CACNA2D3: variants seen among roughly 807,000 people sequenced by gnomAD.
CACNA2D3 encodes the protein voltage-dependent calcium channel subunit alpha-2/delta-3.
In CACNA2D3, 60 loss-of-function variants were observed where a neutral mutation model predicts 160.6. That is an observed-to-expected ratio of 0.37 (90% CI 0.30 to 0.46). The LOEUF (loss-of-function observed/expected upper bound fraction) is 0.46. CACNA2D3 is among the 20% of genes least tolerant of loss of function. The pLI is 1.00. For synonymous variants in CACNA2D3, 558 were observed against 492.9 expected (o/e 1.13, Z -1.75); for missense variants, 1,205 against 1,365.0 (o/e 0.88, Z 1.85).
intron 4 of CACNA2D3, among the ~76,000 whole-genome samples, chr3:54,456,809 C>T (rs979394907): frequency 2.0e-5 from 3 of 151,832 alleles, no homozygotes; most frequent in African/African-American, 7.2e-5. Context: ...TTTTCTATTT[C>T]TTCTTGGCAA....
At chr3:54,642,034 G>C (rs1215323059) in intron 10 of CACNA2D3, 94 bp from the exon 11 acceptor site, 2 of 692,128 alleles carry the variant, frequency 2.9e-6, no homozygotes, top group Admixed American at 6.4e-5. Context: ...ATTTTAAAAG[G>C]CTTCCTTAGT....
chr3:54,359,202 TC>T (rs774760662), intron 3 of CACNA2D3, among the ~76,000 whole-genome samples: 2 of 152,132 alleles, frequency 1.3e-5, no homozygotes, highest in Non-Finnish European at 2.9e-5. Context: ...AAGTAACACT[TC>T]CCCTAGGATC....
chr3:54,459,978 A>C (rs938456783), intron 4 of CACNA2D3, among the ~76,000 whole-genome samples: 7 of 152,170 alleles, frequency 4.6e-5, no homozygotes, highest in African/African-American at 1.2e-4. Flanking sequence ...ATCCAGTTTC[A>C]GCTTTCTCCA....
At chr3:54,638,782 A>G (rs1699437106) in intron 10 of CACNA2D3, 1 of 152,000 alleles carries the variant, frequency 6.6e-6, no homozygotes, top group South Asian at 2.1e-4. Context: ...GGAAAAATTG[A>G]AAGTGCCATT....
At chr3:55,007,164 T>C (rs570542759) in intron 32 of CACNA2D3, among the ~76,000 whole-genome samples, 1 of 152,308 alleles carries the variant, frequency 6.6e-6, no homozygotes, top group South Asian at 2.1e-4. Flanking sequence ...ATTAAAATAT[T>C]CTGAAATAAA....
chr3:54,590,549 T>C (rs1702838674), intron 9 of CACNA2D3, among the ~76,000 whole-genome samples: 1 of 152,080 alleles, frequency 6.6e-6, no homozygotes, highest in Non-Finnish European at 1.5e-5. Context: ...TGCTGTAGTT[T>C]GTAACATGTC....
intron 7 of CACNA2D3, 42 bp downstream of exon 7, chr3:54,569,897 A>G (rs1212929316): frequency 6.2e-7 from 1 of 1,612,486 alleles, no homozygotes; most frequent in African/African-American, 1.3e-5. Context: ...TCAAAGAGAT[A>G]TCTTGAAGAG....
intron 9 of CACNA2D3, among the ~76,000 whole-genome samples, chr3:54,607,341 G>A (rs894943476): frequency 8.6e-5 from 13 of 151,942 alleles, no homozygotes; most frequent in African/African-American, 3.1e-4. Context: ...GTTTTTTGAG[G>A]CAGAGTCTCA....
At chr3:54,739,751 ATGTGTGTGTGTGTGTGTGTG>A (rs5849058) in intron 11 of CACNA2D3, among the ~76,000 whole-genome samples, 2 of 145,848 alleles carry the variant, frequency 1.4e-5, no homozygotes, top group African/African-American at 5.2e-5. Context: ...CTCCTCATAT[ATGTGTGTGTGTGTGTGTGTG>A]TGTGTGTGTG....
At chr3:54,215,186 A>G in intron 2 of CACNA2D3, among the ~76,000 whole-genome samples, 1 of 151,582 alleles carries the variant, frequency 6.6e-6, no homozygotes, top group South Asian at 2.1e-4. Context: ...CAAATATCCT[A>G]CCCCCCAGCT....
intron 2 of CACNA2D3, among the ~76,000 whole-genome samples, chr3:54,319,673 C>T (rs1703945401): frequency 6.6e-6 from 1 of 152,116 alleles, no homozygotes; most frequent in Admixed American, 6.5e-5. Flanking sequence ...GTCCTGAGGA[C>T]TCCCTGAGAG....
At position 54,248,130 on chromosome 3, in the gene CACNA2D3, G is replaced by A. The variant is rs934192772; in HGVS notation, c.205-72312G>A. Among the ~76,000 whole-genome samples the A allele has an allele frequency of 3.9e-5, 6 of 152,126 alleles. No homozygotes were observed. In the South Asian group the frequency reaches 8.3e-4, roughly 21 times the overall value. On this transcript the variant is annotated intron_variant, in intron 2 of 37. Transcript: ENST00000474759. ...GCTCTGATTCCCAATGTGACTATATGTGGAGATAGGGTCTTTTAGAAGGTA... is the reference window on the plus strand; with the variant it reads ...GCTCTGATTCCCAATGTGACTATATATGGAGATAGGGTCTTTTAGAAGGTA...
At chr3:54,715,848 A>C (rs1701041386) in intron 11 of CACNA2D3, among the ~76,000 whole-genome samples, 4 of 152,242 alleles carry the variant, frequency 2.6e-5, no homozygotes, top group Admixed American at 2.0e-4. Context: ...AAACACAGAA[A>C]GACAAATATG....
intron 9 of CACNA2D3, among the ~76,000 whole-genome samples, chr3:54,598,845 G>A (rs1387938497): frequency 6.6e-6 from 1 of 152,096 alleles, no homozygotes. Flanking sequence ...AGTAAAATGC[G>A]GTGAAATTAC....
intron 4 of CACNA2D3, among the ~76,000 whole-genome samples, chr3:54,388,340 G>C (rs926380673): frequency 6.6e-6 from 1 of 152,314 alleles, no homozygotes; most frequent in African/African-American, 2.4e-5. Flanking sequence ...ACTCACCGTT[G>C]GCTGAATCCA....
At position 54,174,586 on chromosome 3, in the gene CACNA2D3, G is replaced by A. The variant is rs546499820; in HGVS notation, c.204+50992G>A. Among the ~76,000 whole-genome samples, 50 of 140,984 alleles carry A rather than the reference G, an allele frequency of 3.5e-4. No homozygotes were observed. In the East Asian group the frequency reaches 0.01, roughly 29 times the overall value. 92.5% of individuals were successfully genotyped at this position (140,984 alleles called of 152,430 possible). A position where few individuals can be genotyped will look rare whatever the true frequency, so the allele number is the denominator to read the frequency against. On this transcript the variant is annotated intron_variant, in intron 2 of 37. Transcript: ENST00000474759. ...GTCGCCCAGGCTGGAGTGCAGTGGC[G>A]CGATCTCAGCTCACTGAAAGCTCCG...
chr3:54,164,495 C>T (rs750040442), intron 2 of CACNA2D3, among the ~76,000 whole-genome samples: 1 of 152,224 alleles, frequency 6.6e-6, no homozygotes, highest in African/African-American at 2.4e-5. Flanking sequence ...ACTTTCTCAA[C>T]CCCTGTGTTT....
chr3:54,913,123 C>T (rs1397030975), intron 27 of CACNA2D3, among the ~76,000 whole-genome samples: 3 of 152,104 alleles, frequency 2.0e-5, no homozygotes, highest in South Asian at 4.1e-4. Context: ...CTCACTCGGT[C>T]ACTCAGACTG....
At chr3:54,381,670 G>A (rs925815628) in intron 3 of CACNA2D3, among the ~76,000 whole-genome samples, 11 of 152,112 alleles carry the variant, frequency 7.2e-5, no homozygotes, top group African/African-American at 9.7e-5. Flanking sequence ...AATGTTGTGC[G>A]GATATACATA....
Sources: gnomAD v4.1 joint callset for allele counts (sites outside exome capture counted in the v4.1 genomes callset) on GRCh38, gnomAD v4.1.1 for gene constraint, MANE v1.5 for transcripts, NCBI Gene and HGNC (gene_info 2026-07-23, HGNC 2026-07-21) for gene names.